Variants in CDKAL1 observed in about 807,000 individuals in gnomAD.
The protein encoded by CDKAL1 is threonylcarbamoyladenosine tRNA methylthiotransferase.
Under a neutral mutation model 68.2 loss-of-function variants are expected in CDKAL1, and 32 were observed. The ratio of observed to expected loss-of-function variants is 0.47; its 90% CI spans 0.35 to 0.63. CDKAL1 has a LOEUF of 0.63. CDKAL1 is among the 30% of genes least tolerant of loss of function. CDKAL1 has a pLI of 0.00. For missense variants in CDKAL1, 606 were observed against 696.7 expected (o/e 0.87, Z 1.47); for synonymous variants, 234 against 244.3 (o/e 0.96, Z 0.39).
intron 10 of CDKAL1, among the ~76,000 whole-genome samples, chr6:20,971,473 A>G (rs1359726507): frequency 1.3e-5 from 2 of 152,232 alleles, no homozygotes; most frequent in Admixed American, 6.5e-5. Flanking sequence ...TATAAACTCT[A>G]GAATTTGCAA....
At chr6:21,152,492 T>C (rs1776458708) in intron 13 of CDKAL1, among the ~76,000 whole-genome samples, 1 of 152,240 alleles carries the variant, frequency 6.6e-6, no homozygotes, top group South Asian at 2.1e-4. Flanking sequence ...AACCAGCAAC[T>C]TGTCATATGA....
At chr6:20,614,716 C>T (rs1032673458) in intron 4 of CDKAL1, among the ~76,000 whole-genome samples, 1 of 152,058 alleles carries the variant, frequency 6.6e-6, no homozygotes, top group African/African-American at 2.4e-5. Flanking sequence ...ATGTCATTTG[C>T]CTCTTAGTAG....
intron 9 of CDKAL1, among the ~76,000 whole-genome samples, chr6:20,871,067 T>G (rs966207981): frequency 6.6e-6 from 1 of 152,166 alleles, no homozygotes; most frequent in Admixed American, 6.5e-5. Flanking sequence ...TCCAAGGTAC[T>G]TATTGCACAC....
chr6:21,059,499 G>A (rs1035527410), intron 11 of CDKAL1, among the ~76,000 whole-genome samples: 1 of 152,224 alleles, frequency 6.6e-6, no homozygotes, highest in Non-Finnish European at 1.5e-5. Context: ...ATGGTTTCCT[G>A]GATGGGGTAG....
At chr6:20,912,051 T>C (rs1413535675) in intron 9 of CDKAL1, among the ~76,000 whole-genome samples, 1 of 152,232 alleles carries the variant, frequency 6.6e-6, no homozygotes, top group Non-Finnish European at 1.5e-5. Context: ...CTTGTGTTTT[T>C]CCACCACATG....
chr6:20,630,222 A>C (rs1224384344), intron 4 of CDKAL1, among the ~76,000 whole-genome samples: 2 of 152,078 alleles, frequency 1.3e-5, no homozygotes, highest in African/African-American at 4.8e-5. Flanking sequence ...TGGCCAGCCC[A>C]GCCCTCCTTG....
At chr6:20,835,513 TGTCTTGTCTTTTGTCTTGTC>T (rs753662944) in intron 8 of CDKAL1, among the ~76,000 whole-genome samples, 1 of 149,554 alleles carries the variant, frequency 6.7e-6, no homozygotes, top group African/African-American at 2.5e-5. Context: ...TGTCTTGTCT[TGTCTTGTCTTTTGTCTTGTC>T]TTGTCTTGTC....
At chr6:20,925,105 C>T (rs1009492900) in intron 9 of CDKAL1, among the ~76,000 whole-genome samples, 2 of 152,148 alleles carry the variant, frequency 1.3e-5, no homozygotes, top group African/African-American at 4.8e-5. Flanking sequence ...ATGGGCATCC[C>T]AACCTTCACC....
intron 2 of CDKAL1, among the ~76,000 whole-genome samples, chr6:20,542,863 C>T (rs1763442471): frequency 6.6e-6 from 1 of 152,192 alleles, no homozygotes; most frequent in African/African-American, 2.4e-5. Context: ...CTATTCTGTT[C>T]TCCATTTCCA....
At chr6:21,062,830 G>T (rs1582122688) in intron 11 of CDKAL1, among the ~76,000 whole-genome samples, 1 of 152,170 alleles carries the variant, frequency 6.6e-6, no homozygotes, top group Non-Finnish European at 1.5e-5. Flanking sequence ...TATGTCCCTT[G>T]TTCCCTCTTA....
chr6:20,832,753 A>G (rs1777770698), intron 8 of CDKAL1, among the ~76,000 whole-genome samples: 1 of 152,192 alleles, frequency 6.6e-6, no homozygotes, highest in Non-Finnish European at 1.5e-5. Flanking sequence ...TTTAATAGGT[A>G]CAGTTTTTAT....
rs1490457200 is a variant in CDKAL1, at chr6:21,158,046, G to C, written c.1300-39975G>C. On this transcript the variant is annotated intron_variant, in intron 13 of 15. Transcript: ENST00000274695. ...GTTTTTCTTTCTGGCTTTCCTCTCTGTTATTAGGCCAACAGACAAGTTATA... is the reference window on the plus strand; with the variant it reads ...GTTTTTCTTTCTGGCTTTCCTCTCTCTTATTAGGCCAACAGACAAGTTATA... Among the ~76,000 whole-genome samples the C allele has an allele frequency of 2.0e-5, 3 of 152,084 alleles. No homozygotes were observed. The East Asian group carries it at 5.8e-4, about 29-fold the overall frequency.
chr6:20,558,798 G>A (rs1301143889), intron 4 of CDKAL1: 5 of 344,660 alleles, frequency 1.5e-5, no homozygotes, highest in Non-Finnish European at 2.3e-5. Flanking sequence ...AAGAGTGGAA[G>A]AAAAGTCGAC....
intron 9 of CDKAL1, among the ~76,000 whole-genome samples, chr6:20,940,876 G>A (rs1763936943): frequency 1.3e-5 from 2 of 152,114 alleles, no homozygotes. Flanking sequence ...AGATCACGAG[G>A]TCAGGAGATC....
rs1194482578 is a variant in CDKAL1, at chr6:20,560,411, T to C, written c.286+11706T>C. Among the ~76,000 whole-genome samples, 4 of 152,212 alleles carry C rather than the reference T, an allele frequency of 2.6e-5. No individual in the cohort carries two copies. In the East Asian group the frequency reaches 7.7e-4, roughly 29 times the overall value. ...AATTATTTAGTCACTGGCTTACTGC[T>C]TGACACCTTCATTGCTCTGTTGCCC... On this transcript the variant is annotated intron_variant, in intron 4 of 15. Coordinates refer to ENST00000274695, the MANE Select transcript of CDKAL1 (RefSeq NM_017774.3).
At chr6:20,748,995 G>GTA (rs1352605288) in intron 6 of CDKAL1, among the ~76,000 whole-genome samples, 6 of 138,040 alleles carry the variant, frequency 4.3e-5, no homozygotes, top group Non-Finnish European at 8.1e-5. Flanking sequence ...ATGTATGTGT[G>GTA]TGTATATATA....
rs534431723 is a variant in CDKAL1, at chr6:20,709,904, A to G, written c.372-29615A>G. On this transcript the variant is annotated intron_variant, in intron 5 of 15. Coordinates refer to ENST00000274695, the MANE Select transcript of CDKAL1 (RefSeq NM_017774.3). ...ATTTCTCTATGTTTTTATTGGGCCAAATTGGTCTCAGATTATTCTCTCCCG... is the reference window on the plus strand; with the variant it reads ...ATTTCTCTATGTTTTTATTGGGCCAGATTGGTCTCAGATTATTCTCTCCCG... 6.6e-4 allele frequency among the ~76,000 whole-genome samples: 100 copies of G among 152,220 alleles called. 2 individuals carry two copies. In the South Asian group the frequency reaches 0.02, roughly 30 times the overall value.
chr6:20,660,444 G>C (rs1320304427), intron 5 of CDKAL1, among the ~76,000 whole-genome samples: 1 of 152,214 alleles, frequency 6.6e-6, no homozygotes, highest in Admixed American at 6.5e-5. Context: ...GACAGATACA[G>C]GCTGTGTATT....
chr6:21,137,448 C>G (rs1247425836), intron 13 of CDKAL1, among the ~76,000 whole-genome samples: 1 of 152,038 alleles, frequency 6.6e-6, no homozygotes, highest in African/African-American at 2.4e-5. Context: ...TTTTTCACAG[C>G]CTGTTATGGT....
Sources: allele counts gnomAD v4.1 joint callset (sites outside exome capture counted in the v4.1 genomes callset), GRCh38; gene constraint gnomAD v4.1.1; transcripts MANE v1.5; gene names NCBI Gene and HGNC (gene_info 2026-07-23, HGNC 2026-07-21).